Variants in CRAMP1 observed in about 807,000 individuals in gnomAD.
CRAMP1 encodes protein cramped-like.
CRAMP1 carries 50 observed loss-of-function variants against 115.4 expected under a neutral mutation model. The ratio of observed to expected loss-of-function variants is 0.43; its 90% CI spans 0.35 to 0.55. CRAMP1 has a LOEUF of 0.55. CRAMP1 is among the 20% of genes least tolerant of loss of function. CRAMP1 has a pLI of 0.01. For missense variants in CRAMP1, 1,679 were observed against 1,721.7 expected (o/e 0.98, Z 0.44); for synonymous variants, 866 against 745.4 (o/e 1.16, Z -2.64).
intron 6 of CRAMP1, among the ~76,000 whole-genome samples, chr16:1,649,960 AT>A (rs1335384473): frequency 3.3e-5 from 5 of 150,976 alleles, no homozygotes; most frequent in African/African-American, 4.9e-5. Flanking sequence ...TGCCCGGCTA[AT>A]TTTTGTATTT....
At chr16:1,617,208 C>G (rs1183949262) in intron 2 of CRAMP1, among the ~76,000 whole-genome samples, 1 of 152,180 alleles carries the variant, frequency 6.6e-6, no homozygotes, top group Non-Finnish European at 1.5e-5. Flanking sequence ...GTCTCCTTTG[C>G]ATCACAGAAC....
chr16:1,619,735 C>T (rs536376921), intron 2 of CRAMP1, among the ~76,000 whole-genome samples: 6 of 152,240 alleles, frequency 3.9e-5, no homozygotes, highest in Admixed American at 1.3e-4. Flanking sequence ...TGCAGGAGGA[C>T]GCTGAGCCTT....
Position 1,655,913 on chromosome 16 carries a change from T to A in CRAMP1, c.1156T>A (p.Cys386Ser). The A allele has an allele frequency of 6.2e-7, 1 of 1,612,422 alleles. No homozygotes were observed. Among genetic ancestry groups the A allele is most frequent in the Non-Finnish European group, 8.5e-7 (1 of 1,179,344 alleles). ...CGAGGAGCGGCAGCTGCAGGACTCA[T>A]GCTCCGCACCGATGCAGGAGAAGGT... Reference protein sequence around the residue: ...TLEERQLQDSCSAPMQEKVTL... With the variant: ...TLEERQLQDSSSAPMQEKVTL... The change falls in exon 10 of 21, where the codon TGC becomes AGC. Residue 386 changes from cysteine (C) to serine (S), a missense_variant. Transcript: ENST00000397412.
At chr16:1,638,071 T>C (rs1450841991) in intron 5 of CRAMP1, among the ~76,000 whole-genome samples, 164 bp downstream of exon 5, 1 of 152,242 alleles carries the variant, frequency 6.6e-6, no homozygotes, top group Non-Finnish European at 1.5e-5. Context: ...TTAGCTTAGA[T>C]GGACCTGTTG....
chr16:1,666,774 G>A lies in CRAMP1; in HGVS notation c.3036+174G>A, dbSNP rs528066388. Among the ~76,000 whole-genome samples the A allele has an allele frequency of 2.0e-5, 3 of 152,228 alleles. No homozygotes were observed. Among genetic ancestry groups the A allele is most frequent in the Non-Finnish European group, 2.9e-5 (2 of 68,032 alleles). On this transcript the variant is annotated intron_variant, in intron 16 of 20. Coordinates refer to ENST00000397412, the MANE Select transcript of CRAMP1 (RefSeq NM_020825.4). This position sits in a 1 kb window ranked among gnomAD's most constrained non-coding sequence, Gnocchi z 5.0. ...GTAGTACAGAGCAGGAGAGGCCTCCGGAGCCACTGACGAAAGGTGGGGACA... is the reference window on the plus strand; with the variant it reads ...GTAGTACAGAGCAGGAGAGGCCTCCAGAGCCACTGACGAAAGGTGGGGACA...
chr16:1,662,471 C>A lies in CRAMP1; in HGVS notation c.2414-19C>A. On this transcript the variant is annotated intron_variant, in intron 11 of 20. Coordinates refer to ENST00000397412, the MANE Select transcript of CRAMP1 (RefSeq NM_020825.4). ...CTAGGTGAATGCTGTCACACTGATTCTCTCCTCTCCTCTCCCAGGTTTGAG... is the reference window on the plus strand; with the variant it reads ...CTAGGTGAATGCTGTCACACTGATTATCTCCTCTCCTCTCCCAGGTTTGAG... The A allele has an allele frequency of 6.3e-7, 1 of 1,598,288 alleles. No individual in the cohort carries two copies. The highest frequency in any genetic ancestry group is 8.6e-7 in the Non-Finnish European group (1 of 1,166,202).
intron 5 of CRAMP1, among the ~76,000 whole-genome samples, chr16:1,640,452 G>C (rs954005125): frequency 1.3e-5 from 2 of 152,148 alleles, no homozygotes; most frequent in Non-Finnish European, 2.9e-5. Flanking sequence ...TTGGTTTTCA[G>C]CCTGGTCGTT....
At chr16:1,629,817 T>C (rs184967338) in intron 3 of CRAMP1, among the ~76,000 whole-genome samples, 13 of 152,348 alleles carry the variant, frequency 8.5e-5, no homozygotes, top group African/African-American at 2.6e-4. Flanking sequence ...TCTAAAGTTT[T>C]TAATTTTTCA....
chr16:1,626,741 A>T (rs940163689), intron 3 of CRAMP1, among the ~76,000 whole-genome samples: 1 of 152,168 alleles, frequency 6.6e-6, no homozygotes, highest in Non-Finnish European at 1.5e-5. Flanking sequence ...TATTGTGAGC[A>T]TACTTTTTAA....
Position 1,662,515 on chromosome 16 carries a change from C to A in CRAMP1, c.2439C>A (p.Leu813=). 6.2e-7 allele frequency: 1 copy of A among 1,613,944 alleles called. No homozygotes were observed. Among genetic ancestry groups the A allele is most frequent in the Non-Finnish European group, 8.5e-7 (1 of 1,179,844 alleles). Residue 813 remains leucine (L), a synonymous_variant, in exon 12 of 21, where the codon CTC becomes CTA. Transcript: ENST00000397412. ...SSGLRNPPRP[L]LVPGPSSTGS... ...GTTTGAGAAACCCTCCAAGACCCCTCTTGGTGCCTGGTCCCTCCAGCACAG... is the reference window on the plus strand; with the variant it reads ...GTTTGAGAAACCCTCCAAGACCCCTATTGGTGCCTGGTCCCTCCAGCACAG...
At chr16:1,615,356 A>T (rs981826998) in intron 2 of CRAMP1, among the ~76,000 whole-genome samples, 1 of 152,204 alleles carries the variant, frequency 6.6e-6, no homozygotes, top group Admixed American at 6.5e-5. Context: ...TCTTTCCCAG[A>T]CATCAGGCGG....
chr16:1,664,666 C>G (rs1445014582), intron 13 of CRAMP1, among the ~76,000 whole-genome samples: 1 of 151,986 alleles, frequency 6.6e-6, no homozygotes, highest in Non-Finnish European at 1.5e-5. Context: ...ATAATCCCAG[C>G]TACTCGGGAG....
intron 16 of CRAMP1, 67 bp from the exon 17 acceptor site, chr16:1,667,268 C>A: frequency 2.3e-6 from 3 of 1,303,692 alleles, no homozygotes; most frequent in South Asian, 2.4e-5. Context: ...GGAACTCTGT[C>A]GCGGGTGAGG....
Position 1,656,279 on chromosome 16 carries a change from G to T in CRAMP1, c.1522G>T (p.Ala508Ser). The T allele has an allele frequency of 6.2e-7, 1 of 1,611,750 alleles. No homozygotes were observed. Among genetic ancestry groups the T allele is most frequent in the Non-Finnish European group, 8.5e-7 (1 of 1,179,730 alleles). ...GAALSLSSPD[A>S]PDRPPPRHQD... is the part of the protein sequence containing the mutation. Reference sequence around the variant, plus strand: ...TGCCCTAAGCTTGAGCAGCCCGGACGCTCCTGACAGGCCTCCTCCCAGGCA... The same window carrying T: ...TGCCCTAAGCTTGAGCAGCCCGGACTCTCCTGACAGGCCTCCTCCCAGGCA... The change falls in exon 10 of 21, where the codon GCT becomes TCT. Residue 508 changes from alanine (A) to serine (S), a missense_variant. By Grantham distance (99) the Ala-to-Ser change is moderately conservative. This residue lies in a region of CRAMP1 where 405 missense variants were observed against 302.6 expected (regional missense o/e 1.34). Coordinates refer to ENST00000397412, the MANE Select transcript of CRAMP1 (RefSeq NM_020825.4). The surrounding 1 kb of genome is among the most constrained non-coding windows in gnomAD (Gnocchi z 5.6).
Position 1,677,192 on chromosome 16 carries a change from C to G in CRAMP1, c.*3147C>G, listed in dbSNP as rs2036977219. On this transcript the variant is annotated 3_prime_UTR_variant, in exon 21 of 21. Coordinates refer to ENST00000397412, the MANE Select transcript of CRAMP1 (RefSeq NM_020825.4). ...GCGCAGTGGCTCACGCCTGTAATCC[C>G]AGCACTTTGGGAGGCCGAGGCGGGC... is the stretch of plus-strand genomic sequence containing the variant. The G allele has an allele frequency of 6.6e-6, 1 of 152,544 alleles. No homozygotes were observed. Among genetic ancestry groups the G allele is most frequent in the East Asian group, 1.9e-4 (1 of 5,200 alleles). 9.4% of individuals were successfully genotyped at this position (152,544 alleles called of 1,614,324 possible). A position where few individuals can be genotyped will look rare whatever the true frequency, so the allele number is the denominator to read the frequency against.
rs1171689850 is a variant in CRAMP1, at chr16:1,666,098, G to C, written c.2778G>C (p.Gln926His). 4 of 1,612,350 alleles carry C rather than the reference G, an allele frequency of 2.5e-6. No individual in the cohort carries two copies. The East Asian group carries it at 6.7e-5, about 27-fold the overall frequency. Reference protein sequence around the residue: ...VTGRGSFRPIQSSLTKAALSR... With the variant: ...VTGRGSFRPIHSSLTKAALSR... ...GGAGAGGTTCGTTCCGGCCCATCCA[G>C]TCTTCTCTGACCAAAGCAGCTCTGT... The change falls in exon 15 of 21, where the codon CAG becomes CAC. Residue 926 changes from glutamine to histidine, a missense_variant. By Grantham distance (24) the Gln-to-His change is conservative. Around this residue, in one of 8 missense-constraint regions of CRAMP1, gnomAD observed 709 missense variants for 741.9 expected, o/e 0.96. Transcript: ENST00000397412. This position sits in a 1 kb window ranked among gnomAD's most constrained non-coding sequence, Gnocchi z 5.0.
rs971145177 is a variant in CRAMP1, at chr16:1,614,673, G to A, written c.34G>A (p.Glu12Lys). ...TVKLGDGGSG[E>K]DGLKKLGKRA... Reference sequence around the variant, plus strand: ...GAAGTTGGGCGACGGCGGCAGCGGGGAGGACGGGCTCAAGAAGCTGGGCAA... The same window carrying A: ...GAAGTTGGGCGACGGCGGCAGCGGGAAGGACGGGCTCAAGAAGCTGGGCAA... The change falls in exon 2 of 21, where the codon GAG becomes AAG. Residue 12 changes from glutamate (E) to lysine (K), a missense_variant. Glu to Lys is a moderately conservative substitution (Grantham distance 56). Coordinates refer to ENST00000397412, the MANE Select transcript of CRAMP1 (RefSeq NM_020825.4). This position sits in a 1 kb window ranked among gnomAD's most constrained non-coding sequence, Gnocchi z 4.4. 1.2e-5 allele frequency: 15 copies of A among 1,303,958 alleles called. No homozygotes were observed. In the Admixed American group the frequency reaches 3.6e-4, roughly 32 times the overall value. The allele number at this position is 1,303,958 out of a possible 1,614,324, so 80.8% of individuals were successfully genotyped here.
At chr16:1,664,077 C>G (rs1408944148) in intron 13 of CRAMP1, among the ~76,000 whole-genome samples, 1 of 152,218 alleles carries the variant, frequency 6.6e-6, no homozygotes. Context: ...TCTCTAGTCT[C>G]TCCGACGCCA....
intron 6 of CRAMP1, among the ~76,000 whole-genome samples, chr16:1,647,518 A>G (rs1192289293): frequency 6.6e-6 from 1 of 152,130 alleles, no homozygotes; most frequent in Non-Finnish European, 1.5e-5. Context: ...AGGCGGGTGG[A>G]TCACTTGAGG....
Sources: gnomAD v4.1 joint callset for allele counts (sites outside exome capture counted in the v4.1 genomes callset) on GRCh38, gnomAD v4.1.1 for gene constraint, gnomAD v4.1.1 regional missense constraint, Gnocchi (gnomAD v3.1) non-coding constraint, MANE v1.5 for transcripts, NCBI Gene and HGNC (gene_info 2026-07-23, HGNC 2026-07-21) for gene names.